The following PRKDC variants were observed in gnomAD, a reference collection of about 807,000 sequenced individuals.
PRKDC encodes the protein DNA-dependent protein kinase catalytic subunit.
In PRKDC, 82 loss-of-function variants were observed where a neutral mutation model predicts 486.9. The observed-to-expected ratio is 0.17, with a 90% CI of 0.14 to 0.20. PRKDC has a LOEUF of 0.20. Ranked by LOEUF, PRKDC falls within the 10% of genes least tolerant of loss-of-function variation. The pLI is 1.00. For missense variants in PRKDC, 4,504 were observed against 5,038.2 expected (o/e 0.89, Z 3.21); for synonymous variants, 1,895 against 1,837.0 (o/e 1.03, Z -0.81).
intron 30 of PRKDC, among the ~76,000 whole-genome samples, chr8:47,895,867 C>T (rs1411968174): frequency 6.6e-6 from 1 of 152,060 alleles, no homozygotes; most frequent in Admixed American, 6.6e-5. Flanking sequence ...GGTGAAACCC[C>T]GTCTCTACTA....
intron 25 of PRKDC, among the ~76,000 whole-genome samples, chr8:47,908,308 T>C (rs1350735909): frequency 2.6e-5 from 4 of 152,250 alleles, no homozygotes; most frequent in Non-Finnish European, 5.9e-5. Context: ...TTTCTTCTTT[T>C]ATGAGCTGCC....
intron 28 of PRKDC, among the ~76,000 whole-genome samples, chr8:47,899,602 C>T (rs2089643268): frequency 1.3e-5 from 2 of 152,138 alleles, no homozygotes; most frequent in Admixed American, 1.3e-4. Flanking sequence ...GAGATCGCAC[C>T]ACTGCACTCC....
intron 85 of PRKDC, 93 bp from the exon 86 acceptor site, chr8:47,774,470 C>A (rs72646391): frequency 1.7e-6 from 2 of 1,161,560 alleles, no homozygotes; most frequent in Admixed American, 2.3e-5. Flanking sequence ...ACATTCCCCA[C>A]GTCATCACTC....
At position 47,939,656 on chromosome 8, in the gene PRKDC, A is replaced by G; in HGVS notation, c.1008T>C (p.Asn336=). The G allele has an allele frequency of 6.2e-7, 1 of 1,607,428 alleles. No homozygotes were observed. Among genetic ancestry groups the G allele is most frequent in the East Asian group, 2.2e-5 (1 of 44,810 alleles). ...MVAKNAEMHK[N]KLQYFMEQFY... ...ACTGCTCCATAAAGTACTGCAGTTTATTTTTATGCATTTCTGCATTTTTCG... is the reference window on the plus strand; with the variant it reads ...ACTGCTCCATAAAGTACTGCAGTTTGTTTTTATGCATTTCTGCATTTTTCG... The change falls in exon 11 of 86, where the codon AAT becomes AAC. Residue 336 remains asparagine, a synonymous_variant. Transcript: ENST00000314191.
At chr8:47,832,072 T>C (rs1418198109) in intron 59 of PRKDC, 146 bp from the exon 60 acceptor site, 3 of 678,886 alleles carry the variant, frequency 4.4e-6, no homozygotes, top group Non-Finnish European at 7.7e-6. Context: ...GGGCCACAGC[T>C]GCAACTGGAA....
intron 31 of PRKDC, among the ~76,000 whole-genome samples, chr8:47,892,310 A>G (rs2089478329): frequency 6.6e-6 from 1 of 152,144 alleles, no homozygotes; most frequent in South Asian, 2.1e-4. Flanking sequence ...ATGTGCACTA[A>G]TAACAAATAT....
chr8:47,831,055 G>A (rs1212472730), intron 60 of PRKDC, among the ~76,000 whole-genome samples: 1 of 152,200 alleles, frequency 6.6e-6, no homozygotes, highest in Non-Finnish European at 1.5e-5. Flanking sequence ...TGAGAACGAG[G>A]CCGGCAGCCG....
intron 10 of PRKDC, among the ~76,000 whole-genome samples, chr8:47,942,714 A>C (rs2090465630): frequency 6.6e-6 from 1 of 152,198 alleles, no homozygotes; most frequent in Non-Finnish European, 1.5e-5. Flanking sequence ...CAGTGCTCAG[A>C]ATGACAAGCA....
chr8:47,800,280 A>T (rs568463254), intron 71 of PRKDC, among the ~76,000 whole-genome samples: 18 of 152,216 alleles, frequency 1.2e-4, no homozygotes, highest in African/African-American at 4.3e-4. Context: ...ATGCAGCCAT[A>T]AAAAATGATG....
chr8:47,920,276 T>TC (rs2090051379), intron 21 of PRKDC, among the ~76,000 whole-genome samples: 1 of 152,338 alleles, frequency 6.6e-6, no homozygotes, highest in Admixed American at 6.5e-5. Context: ...GGTTAGGGAC[T>TC]CCATGACCGA....
chr8:47,826,096 C>A (rs2087732976), intron 63 of PRKDC, among the ~76,000 whole-genome samples: 2 of 152,158 alleles, frequency 1.3e-5, no homozygotes, highest in Non-Finnish European at 2.9e-5. Flanking sequence ...ATCTGCACTA[C>A]AAAATGAAGT....
intron 15 of PRKDC, among the ~76,000 whole-genome samples, chr8:47,933,498 C>T (rs547700777): frequency 6.6e-6 from 1 of 152,324 alleles, no homozygotes; most frequent in South Asian, 2.1e-4. Context: ...TGTATAAACA[C>T]AAATATGTGT....
Position 47,800,889 on chromosome 8 carries a change from A to G in PRKDC, c.10020T>C (p.Ala3340=), listed in dbSNP as rs765171986. Residue 3340 remains alanine (A), a synonymous_variant, in exon 71 of 86, where the codon GCT becomes GCC. Coordinates refer to ENST00000314191, the MANE Select transcript of PRKDC (RefSeq NM_006904.7). The part of the protein sequence containing the change: ...LGTTYRIIAN[A]LSSEPACLAE... Reference sequence around the variant, plus strand: ...CAAGGCAGGCTGGCTCACTGCTGAGAGCATTCGCTATGATCCTGTAAGTTG... The same window carrying G: ...CAAGGCAGGCTGGCTCACTGCTGAGGGCATTCGCTATGATCCTGTAAGTTG... 3 of 1,613,746 alleles carry G rather than the reference A, an allele frequency of 1.9e-6. No individual in the cohort carries two copies. The highest frequency in any genetic ancestry group is 2.7e-5 in the African/African-American group (2 of 74,910).
At chr8:47,840,390 C>A (rs1045017411) in intron 54 of PRKDC, among the ~76,000 whole-genome samples, 1 of 152,152 alleles carries the variant, frequency 6.6e-6, no homozygotes, top group African/African-American at 2.4e-5. Flanking sequence ...CTACCCTACA[C>A]TGGATCCTGA....
chr8:47,863,135 C>A (rs1271034243), intron 42 of PRKDC, among the ~76,000 whole-genome samples: 1 of 152,006 alleles, frequency 6.6e-6, no homozygotes, highest in East Asian at 1.9e-4. Context: ...TCAAGCTATT[C>A]AAGGGGAAAA....
At chr8:47,879,420 T>C (rs1413473164) in intron 39 of PRKDC, 71 bp downstream of exon 39, 1 of 1,382,868 alleles carries the variant, frequency 7.2e-7, no homozygotes, top group Non-Finnish European at 9.7e-7. Flanking sequence ...TACTCACCTC[T>C]TTTCATCAAG....
At chr8:47,785,426 TC>T (rs1306479241) in intron 76 of PRKDC, 109 bp from the exon 77 acceptor site, 7 of 896,198 alleles carry the variant, frequency 7.8e-6, no homozygotes, top group Non-Finnish European at 1.2e-5. Context: ...ATATGTTTCT[TC>T]TCTGCTTTTA....
chr8:47,912,066 C>T (rs765720635), intron 25 of PRKDC, among the ~76,000 whole-genome samples: 4 of 152,114 alleles, frequency 2.6e-5, no homozygotes, highest in Non-Finnish European at 4.4e-5. Flanking sequence ...CCACCGCGCG[C>T]GGCCCATGGT....
chr8:47,826,274 G>A (rs1265696984), intron 63 of PRKDC, among the ~76,000 whole-genome samples: 1 of 152,170 alleles, frequency 6.6e-6, no homozygotes, highest in Non-Finnish European at 1.5e-5. Flanking sequence ...CTAAAATCTT[G>A]AGTCCTGCTG....
Sources: allele counts gnomAD v4.1 joint callset (sites outside exome capture counted in the v4.1 genomes callset), GRCh38; gene constraint gnomAD v4.1.1; transcripts MANE v1.5; gene names NCBI Gene and HGNC (gene_info 2026-07-23, HGNC 2026-07-21).